Variants in CLVS1 observed in about 807,000 individuals in gnomAD.
CLVS1 encodes clavesin-1.
Under a neutral mutation model 33.1 loss-of-function variants are expected in CLVS1, and 10 were observed. The observed-to-expected ratio is 0.30, with a 90% CI of 0.19 to 0.51. The LOEUF (loss-of-function observed/expected upper bound fraction) is 0.51. Among genes scored for constraint, CLVS1 ranks in the 20% least tolerant of loss-of-function variants. CLVS1 has a pLI of 0.97. For synonymous variants in CLVS1, 163 were observed against 166.1 expected (o/e 0.98, Z 0.14); for missense variants, 343 against 433.4 (o/e 0.79, Z 1.85).
intron 1 of CLVS1, among the ~76,000 whole-genome samples, chr8:61,293,141 G>C (rs1193163510): frequency 6.6e-6 from 1 of 152,178 alleles, no homozygotes; most frequent in African/African-American, 2.4e-5. Context: ...GTTAGTCCTA[G>C]GCTAGGACTA....
At chr8:61,029,921 G>A in the CLVS1 span, among the ~76,000 whole-genome samples, 2 of 152,182 alleles carry the variant, frequency 1.3e-5, no homozygotes, top group African/African-American at 2.4e-5. Context: ...ATCTGTGACA[G>A]TTTTCTGGGA....
intron 1 of CLVS1, among the ~76,000 whole-genome samples, chr8:61,131,151 G>A (rs1426328460): frequency 6.6e-6 from 1 of 152,182 alleles, no homozygotes; most frequent in African/African-American, 2.4e-5. Flanking sequence ...GTCCCCTAGG[G>A]AGACTCTTCC....
chr8:61,260,959 G>A (rs890377125), intron 2 of CLVS1, among the ~76,000 whole-genome samples: 5 of 152,194 alleles, frequency 3.3e-5, no homozygotes, highest in Non-Finnish European at 4.4e-5. Context: ...TCAAATTCCC[G>A]GGTTTCCCTA....
At chr8:61,273,561 C>T (rs564901720) in intron 2 of CLVS1, among the ~76,000 whole-genome samples, 1,889 of 152,154 alleles carry the variant, frequency 0.012, 42 homozygotes, top group African/African-American at 0.043. Flanking sequence ...TAATCAAGCC[C>T]GGGCAATGGC....
chr8:61,409,667 G>A (rs909051702), intron 3 of CLVS1, among the ~76,000 whole-genome samples: 1 of 152,166 alleles, frequency 6.6e-6, no homozygotes, highest in African/African-American at 2.4e-5. Context: ...TCTCAGAAGA[G>A]GGATTTTTGT....
At chr8:61,276,398 C>T (rs892819061) in intron 2 of CLVS1, among the ~76,000 whole-genome samples, 5 of 152,170 alleles carry the variant, frequency 3.3e-5, no homozygotes, top group African/African-American at 1.2e-4. Context: ...ACAGTCCCAG[C>T]GGAAGGTGTA....
the CLVS1 span, among the ~76,000 whole-genome samples, chr8:61,038,437 G>GTATATATATATATATA: frequency 9.1e-5 from 13 of 142,740 alleles, no homozygotes; most frequent in African/African-American, 2.9e-4. Flanking sequence ...CCTGTCGTTT[G>GTATATATATATATATA]TATATATATA....
At chr8:61,011,000 C>T in the CLVS1 span, among the ~76,000 whole-genome samples, 3 of 152,248 alleles carry the variant, frequency 2.0e-5, no homozygotes, top group African/African-American at 7.2e-5. Context: ...CTAAGAGTCC[C>T]CCGTATCTGT....
At chr8:61,421,198 A>G (rs1307847672) in intron 3 of CLVS1, among the ~76,000 whole-genome samples, 6 of 151,986 alleles carry the variant, frequency 3.9e-5, no homozygotes, top group Non-Finnish European at 8.8e-5. Context: ...CCCTCAGAGT[A>G]CTCCAGCTGG....
At chr8:61,219,413 C>T (rs1306869973) in intron 2 of CLVS1, among the ~76,000 whole-genome samples, 1 of 152,112 alleles carries the variant, frequency 6.6e-6, no homozygotes, top group Non-Finnish European at 1.5e-5. Context: ...ATTTTCTGTT[C>T]CTGTGTTAGT....
chr8:61,433,941 TAA>T (rs112113590), intron 3 of CLVS1, among the ~76,000 whole-genome samples: 6 of 141,964 alleles, frequency 4.2e-5, no homozygotes, highest in Admixed American at 7.1e-5. Flanking sequence ...TATCATTCAT[TAA>T]AAAAAAAAAA....
rs185588281 is a variant in CLVS1 at position 61,220,777 on chromosome 8, T to A, written c.-151-78900T>A. Among the ~76,000 whole-genome samples, 500 of 152,334 alleles carry A rather than the reference T, an allele frequency of 3.3e-3. 1 individual carries two copies. Among genetic ancestry groups the A allele is most frequent in the African/African-American group, 0.011 (464 of 41,568 alleles). On this transcript the variant is annotated intron_variant, in intron 2 of 2. Transcript: ENST00000522621. ...GTATGGCCATTTTCATGATATTGATTCTTCCTATCCATGAGCATGGAATGT... is the reference window on the plus strand; with the variant it reads ...GTATGGCCATTTTCATGATATTGATACTTCCTATCCATGAGCATGGAATGT...
At chr8:61,381,842 G>C (rs546360510) in intron 3 of CLVS1, among the ~76,000 whole-genome samples, 2 of 152,228 alleles carry the variant, frequency 1.3e-5, no homozygotes, top group Middle Eastern at 3.4e-3. Flanking sequence ...GTCCACTGTT[G>C]ATGAGCATCT....
intron 3 of CLVS1, among the ~76,000 whole-genome samples, chr8:61,452,584 T>C (rs1817001499): frequency 6.6e-6 from 1 of 152,204 alleles, no homozygotes; most frequent in Non-Finnish European, 1.5e-5. Context: ...TCCTAAACTA[T>C]ACCTGGAGGA....
chr8:61,209,618 C>G (rs1317088841), intron 2 of CLVS1, among the ~76,000 whole-genome samples: 5 of 152,164 alleles, frequency 3.3e-5, no homozygotes, highest in Non-Finnish European at 5.9e-5. Flanking sequence ...TGATGATGGC[C>G]ATGTTTTTCG....
At position 61,426,599 on chromosome 8, in the gene CLVS1, C is replaced by T. The variant is rs1221576791; in HGVS notation, c.631-27542C>T. ...ACAGTATTCAGTGGAGGATCGGGCCCCTGCCAACTGGTATTGCTGAATCCC... is the reference window on the plus strand; with the variant it reads ...ACAGTATTCAGTGGAGGATCGGGCCTCTGCCAACTGGTATTGCTGAATCCC... On this transcript the variant is annotated intron_variant, in intron 3 of 5. Coordinates refer to ENST00000325897, the MANE Select transcript of CLVS1 (RefSeq NM_173519.3). 8.5e-5 allele frequency among the ~76,000 whole-genome samples: 13 copies of T among 152,134 alleles called. No homozygotes were observed. In the East Asian group the frequency reaches 2.5e-3, roughly 29 times the overall value.
At chr8:61,469,766 T>C (rs1817673873) in intron 5 of CLVS1, among the ~76,000 whole-genome samples, 1 of 152,234 alleles carries the variant, frequency 6.6e-6, no homozygotes, top group South Asian at 2.1e-4. Context: ...TCTATTTTAC[T>C]TCATGGCTTG....
intron 2 of CLVS1, among the ~76,000 whole-genome samples, chr8:61,334,115 G>A (rs185433324): frequency 3.3e-5 from 5 of 152,300 alleles, no homozygotes; most frequent in Admixed American, 3.3e-4. Context: ...TGGACATTTA[G>A]GTTGATTTAG....
At chr8:61,330,972 C>T (rs1339149262) in intron 2 of CLVS1, among the ~76,000 whole-genome samples, 3 of 151,928 alleles carry the variant, frequency 2.0e-5, no homozygotes, top group Non-Finnish European at 2.9e-5. Context: ...CCTGTAGCTA[C>T]TCAAGAGGTT....
Sources: gnomAD v4.1 joint callset for allele counts (sites outside exome capture counted in the v4.1 genomes callset) on GRCh38, gnomAD v4.1.1 for gene constraint, MANE v1.5 for transcripts, NCBI Gene and HGNC (gene_info 2026-07-23, HGNC 2026-07-21) for gene names.